The following TMEM87A variants were observed in gnomAD, a reference collection of about 807,000 sequenced individuals.
TMEM87A encodes transmembrane protein 87A.
Under a neutral mutation model 90.0 loss-of-function variants are expected in TMEM87A, and 50 were observed. That is an observed-to-expected ratio of 0.56 (90% CI 0.44 to 0.70). The LOEUF (loss-of-function observed/expected upper bound fraction) is 0.70. TMEM87A is among the 30% of genes least tolerant of loss of function. The pLI, the probability that TMEM87A is intolerant of heterozygous loss-of-function variation, is 0.00. For missense variants in TMEM87A, 577 were observed against 660.5 expected (o/e 0.87, Z 1.39); for synonymous variants, 226 against 226.7 (o/e 1.00, Z 0.03).
chr15:42,259,472 T>C (rs2051248659), intron 6 of TMEM87A, among the ~76,000 whole-genome samples: 1 of 152,162 alleles, frequency 6.6e-6, no homozygotes, highest in Non-Finnish European at 1.5e-5. Flanking sequence ...TCAGGGCTTG[T>C]CTTTATCTGA....
intron 15 of TMEM87A, among the ~76,000 whole-genome samples, chr15:42,222,385 G>C (rs1228467657): frequency 6.6e-6 from 1 of 152,122 alleles, no homozygotes; most frequent in Non-Finnish European, 1.5e-5. Context: ...GAGCCAGGTA[G>C]TATGCAGCTG....
At chr15:42,255,278 C>A (rs1018297632) in intron 6 of TMEM87A, among the ~76,000 whole-genome samples, 3 of 152,130 alleles carry the variant, frequency 2.0e-5, no homozygotes, top group African/African-American at 7.2e-5. Flanking sequence ...GGATTACAGG[C>A]ATGTGCCACC....
chr15:42,229,657 C>T lies in TMEM87A; in HGVS notation c.1132-837G>A, dbSNP rs575711576. 2.0e-5 allele frequency among the ~76,000 whole-genome samples: 3 copies of T among 152,220 alleles called. No homozygotes were observed. The East Asian group carries it at 5.8e-4, about 29-fold the overall frequency. On this transcript the variant is annotated intron_variant, in intron 12 of 19. Transcript: ENST00000389834. ...TCTTAAGGAACCTGCCATCAGTTGCCTGCACTATCCTGAATTAAGAGGACC... is the reference window on the plus strand; with the variant it reads ...TCTTAAGGAACCTGCCATCAGTTGCTTGCACTATCCTGAATTAAGAGGACC...
At chr15:42,223,427 T>G (rs2050532849) in intron 15 of TMEM87A, among the ~76,000 whole-genome samples, 1 of 152,154 alleles carries the variant, frequency 6.6e-6, no homozygotes, top group South Asian at 2.1e-4. Context: ...AATACATAAG[T>G]GATTGTTACA....
intron 8 of TMEM87A, 76 bp from the exon 9 acceptor site, chr15:42,237,691 A>T: frequency 1.8e-6 from 2 of 1,125,742 alleles, no homozygotes; most frequent in Non-Finnish European, 2.3e-6. Context: ...GAATCAATAT[A>T]TACTTTTTTT....
At chr15:42,266,215 T>C (rs912499316) in intron 3 of TMEM87A, among the ~76,000 whole-genome samples, 18 of 152,330 alleles carry the variant, frequency 1.2e-4, no homozygotes, top group Middle Eastern at 3.4e-3. Context: ...CGTTGAACCA[T>C]AGACAAAACT....
intron 10 of TMEM87A, among the ~76,000 whole-genome samples, chr15:42,235,354 A>G (rs2050752302): frequency 1.3e-5 from 2 of 152,138 alleles, no homozygotes; most frequent in South Asian, 4.1e-4. Context: ...ACTTTAAATA[A>G]TATCTTTATC....
At chr15:42,235,605 C>T (rs1193689838) in intron 10 of TMEM87A, among the ~76,000 whole-genome samples, 1 of 152,178 alleles carries the variant, frequency 6.6e-6, no homozygotes, top group Non-Finnish European at 1.5e-5. Context: ...TCCACTGGTT[C>T]CACCTTCAAA....
intron 6 of TMEM87A, among the ~76,000 whole-genome samples, chr15:42,255,981 T>C (rs1308477730): frequency 1.4e-5 from 2 of 147,548 alleles, no homozygotes; most frequent in Non-Finnish European, 3.0e-5. Context: ...GGTTTCACCA[T>C]GTTTGCCAGG....
In TMEM87A at chr15:42,227,801, T is replaced by C. The variant is rs77638761; in HGVS notation, c.1241-32A>G. Reference sequence around the variant, plus strand: ...GTAAATGAAAAACCAGGTCAGAGTATGAATGCTGGTTTACATCCCCAATTA... The same window carrying C: ...GTAAATGAAAAACCAGGTCAGAGTACGAATGCTGGTTTACATCCCCAATTA... On this transcript the variant is annotated intron_variant, in intron 13 of 19. Transcript: ENST00000389834. 2.2e-3 allele frequency: 3,490 copies of C among 1,603,222 alleles called. 80 individuals are homozygous for C. The African/African-American group carries it at 0.04, about 19-fold the overall frequency.
intron 6 of TMEM87A, among the ~76,000 whole-genome samples, chr15:42,254,124 T>C (rs2051134878): frequency 6.6e-6 from 1 of 152,132 alleles, no homozygotes; most frequent in African/African-American, 2.4e-5. Context: ...ACTGTCTTCA[T>C]GGTATGATCT....
At chr15:42,221,682 C>T (rs1270366569) in intron 15 of TMEM87A, among the ~76,000 whole-genome samples, 1 of 151,974 alleles carries the variant, frequency 6.6e-6, no homozygotes, top group Non-Finnish European at 1.5e-5. Context: ...CTAGCCTAGG[C>T]AACATAGCAA....
At chr15:42,255,380 C>A (rs2051158785) in intron 6 of TMEM87A, among the ~76,000 whole-genome samples, 1 of 152,118 alleles carries the variant, frequency 6.6e-6, no homozygotes, top group Admixed American at 6.5e-5. Flanking sequence ...GATCTGTCTG[C>A]CTGGGCCTCC....
intron 17 of TMEM87A, among the ~76,000 whole-genome samples, 183 bp from the exon 18 acceptor site, chr15:42,218,561 A>G (rs1220166514): frequency 6.6e-6 from 1 of 152,180 alleles, no homozygotes; most frequent in Non-Finnish European, 1.5e-5. Flanking sequence ...CCTTTGACCA[A>G]CATCTCCCCA....
chr15:42,219,192 G>A (rs1452540145), intron 17 of TMEM87A, among the ~76,000 whole-genome samples: 1 of 152,050 alleles, frequency 6.6e-6, no homozygotes, highest in Non-Finnish European at 1.5e-5. Context: ...ATACTTGTTG[G>A]CCATTTGTAG....
chr15:42,233,699 T>C (rs2050724911), intron 10 of TMEM87A, among the ~76,000 whole-genome samples: 1 of 152,160 alleles, frequency 6.6e-6, no homozygotes, highest in African/African-American at 2.4e-5. Context: ...CAGTATATCT[T>C]TGATATATTT....
intron 6 of TMEM87A, among the ~76,000 whole-genome samples, chr15:42,252,432 A>T (rs117796064): frequency 6.6e-6 from 1 of 152,328 alleles, no homozygotes; most frequent in East Asian, 1.9e-4. Context: ...TTATGAACAT[A>T]CAACATTTTA....
At chr15:42,231,899 A>C (rs1359841287) in intron 11 of TMEM87A, 1 of 1,278,330 alleles carries the variant, frequency 7.8e-7, no homozygotes, top group Non-Finnish European at 1.0e-6. Context: ...TATCAGAGTC[A>C]AGGGATAAGA....
intron 10 of TMEM87A, among the ~76,000 whole-genome samples, chr15:42,235,176 C>CT (rs776980945): frequency 1.1e-4 from 16 of 152,272 alleles, no homozygotes; most frequent in Admixed American, 2.0e-4. Flanking sequence ...GTAGCTGGGA[C>CT]TACAGGTGCA....
Sources: gnomAD v4.1 joint callset for allele counts (sites outside exome capture counted in the v4.1 genomes callset) on GRCh38, gnomAD v4.1.1 for gene constraint, MANE v1.5 for transcripts, NCBI Gene and HGNC (gene_info 2026-07-23, HGNC 2026-07-21) for gene names.